The following COL26A1 variants were observed in gnomAD, a reference collection of about 807,000 sequenced individuals.
The protein encoded by COL26A1 is collagen type XXVI alpha 1 chain.
In COL26A1, 41 loss-of-function variants were observed where a neutral mutation model predicts 59.3. That is an observed-to-expected ratio of 0.69 (90% CI 0.54 to 0.90). The LOEUF is 0.90. Ranked by LOEUF, COL26A1 falls within the 40% of genes least tolerant of loss-of-function variation. The pLI is 0.00. For missense variants in COL26A1, 612 were observed against 602.3 expected, an observed-to-expected ratio of 1.02 and a Z score of -0.17; for synonymous variants, 266 against 256.0, an observed-to-expected ratio of 1.04 and a Z score of -0.37.
At chr7:101,476,869 A>G (rs1456451735) in intron 3 of COL26A1, among the ~76,000 whole-genome samples, 3 of 140,380 alleles carry the variant, frequency 2.1e-5, no homozygotes, top group African/African-American at 5.5e-5. Context: ...TTTGAGATGG[A>G]ATCTTGCTCT....
At chr7:101,372,986 G>GC (rs1329990034) in intron 1 of COL26A1, among the ~76,000 whole-genome samples, 1 of 152,160 alleles carries the variant, frequency 6.6e-6, no homozygotes, top group African/African-American at 2.4e-5. Context: ...CAGAGCAAGA[G>GC]CAGACCATGG....
intron 1 of COL26A1, among the ~76,000 whole-genome samples, chr7:101,409,712 G>A (rs997059032): frequency 6.6e-6 from 1 of 152,222 alleles, no homozygotes; most frequent in Non-Finnish European, 1.5e-5. Flanking sequence ...GCAACTGAGC[G>A]AGGAGGACAG....
intron 3 of COL26A1, among the ~76,000 whole-genome samples, chr7:101,509,644 G>T (rs1279866432): frequency 6.6e-6 from 1 of 152,098 alleles, no homozygotes; most frequent in East Asian, 1.9e-4. Context: ...CCCACCCCCA[G>T]AATGGTCTAG....
chr7:101,478,944 C>T (rs762104687), intron 3 of COL26A1, among the ~76,000 whole-genome samples: 9 of 152,204 alleles, frequency 5.9e-5, no homozygotes, highest in Non-Finnish European at 1.0e-4. Context: ...TCTTTTGCCT[C>T]TCATTGATTT....
intron 1 of COL26A1, among the ~76,000 whole-genome samples, chr7:101,377,303 C>A (rs920968524): frequency 6.6e-6 from 1 of 152,050 alleles, no homozygotes; most frequent in South Asian, 2.1e-4. Flanking sequence ...TCACTGTGCC[C>A]GGCTGAGGAT....
intron 3 of COL26A1, among the ~76,000 whole-genome samples, chr7:101,456,767 C>T (rs1414383542): frequency 2.6e-5 from 4 of 152,200 alleles, no homozygotes; most frequent in East Asian, 1.9e-4. Context: ...CCTCCTGCCT[C>T]GGCCTCCCGA....
intron 3 of COL26A1, among the ~76,000 whole-genome samples, chr7:101,531,120 G>A (rs950071272): frequency 6.6e-5 from 10 of 151,948 alleles, no homozygotes; most frequent in East Asian, 1.9e-4. Flanking sequence ...ACAGGCGCCC[G>A]CCACCATGCC....
At chr7:101,438,127 C>T (rs1306811684) in intron 2 of COL26A1, among the ~76,000 whole-genome samples, 3 of 151,388 alleles carry the variant, frequency 2.0e-5, no homozygotes, top group East Asian at 3.9e-4. Context: ...TCTGGGAAGC[C>T]GAGGCGGGCG....
In COL26A1 at chr7:101,541,221, T is replaced by C. The variant is rs60416469; in HGVS notation, c.604+1172T>C. ...GGGTTCAATTTTGCAGCATTCTGCC[T>C]GGCCAGGGAGCAGGAACTTACTGCT... is the stretch of plus-strand genomic sequence containing the variant. On this transcript the variant is annotated intron_variant, in intron 5 of 12. Transcript: ENST00000313669. 3.6e-3 allele frequency among the ~76,000 whole-genome samples: 546 copies of C among 152,346 alleles called. 3 individuals carry two copies. Among genetic ancestry groups the C allele is most frequent in the African/African-American group, 0.012 (512 of 41,584 alleles).
chr7:101,424,063 C>T (rs1792586562), intron 2 of COL26A1, among the ~76,000 whole-genome samples: 1 of 151,608 alleles, frequency 6.6e-6, no homozygotes, highest in Admixed American at 6.6e-5. Flanking sequence ...TAAAAAACAT[C>T]AGCCATGGGT....
At chr7:101,460,311 C>T (rs1793579403) in intron 3 of COL26A1, among the ~76,000 whole-genome samples, 1 of 152,126 alleles carries the variant, frequency 6.6e-6, no homozygotes, top group South Asian at 2.1e-4. Flanking sequence ...TTGTGAGATT[C>T]ACAGGAGGTA....
chr7:101,380,945 T>A (rs1447439749), intron 1 of COL26A1, among the ~76,000 whole-genome samples: 1 of 152,200 alleles, frequency 6.6e-6, no homozygotes, highest in Non-Finnish European at 1.5e-5. Context: ...CTGGTTTTCT[T>A]CTGTAGCTCT....
intron 3 of COL26A1, among the ~76,000 whole-genome samples, chr7:101,453,718 A>T (rs1584420667): frequency 1.3e-5 from 2 of 152,158 alleles, no homozygotes; most frequent in East Asian, 3.8e-4. Flanking sequence ...TGAGTTTGGG[A>T]TCGGCTCCTG....
At chr7:101,393,511 T>G (rs1791781386) in intron 1 of COL26A1, among the ~76,000 whole-genome samples, 1 of 152,194 alleles carries the variant, frequency 6.6e-6, no homozygotes, top group Admixed American at 6.5e-5. Context: ...CCACCCAGAT[T>G]GAGGGTGGGT....
intron 3 of COL26A1, among the ~76,000 whole-genome samples, chr7:101,469,168 T>C (rs533974408): frequency 1.1e-4 from 17 of 152,278 alleles, no homozygotes; most frequent in African/African-American, 4.1e-4. Flanking sequence ...TTATGGACTG[T>C]AAAGTGCTGT....
At chr7:101,431,474 G>A (rs1427376129) in intron 2 of COL26A1, among the ~76,000 whole-genome samples, 1 of 152,030 alleles carries the variant, frequency 6.6e-6, no homozygotes, top group Non-Finnish European at 1.5e-5. Flanking sequence ...TGCGTAGGCT[G>A]GTCTTGAACC....
intron 3 of COL26A1, among the ~76,000 whole-genome samples, chr7:101,462,425 T>A (rs1482506078): frequency 6.6e-6 from 1 of 152,160 alleles, no homozygotes; most frequent in East Asian, 1.9e-4. Flanking sequence ...CAAGCAATTC[T>A]CCTGCCTCAG....
chr7:101,539,995 G>A lies in COL26A1; in HGVS notation c.550G>A (p.Ala184Thr), dbSNP rs767263491. 18 of 1,613,230 alleles carry A rather than the reference G, an allele frequency of 1.1e-5. No individual in the cohort carries two copies. The highest frequency in any genetic ancestry group is 3.3e-5 in the South Asian group (3 of 91,020). Residue 184 changes from alanine to threonine, a missense_variant, in exon 5 of 13, where the codon GCC (alanine) becomes ACC (threonine). By Grantham distance (58) the Ala-to-Thr change is moderately conservative. Coordinates refer to ENST00000313669, the MANE Select transcript of COL26A1 (RefSeq NM_001278563.3). ...CTGGAATGAGGACTTCCTCCCCGAC[G>A]CCATCCCTCTTGCTCACCCTGTGCC... ...PTWNEDFLPD[A>T]IPLAHPVPRQ...
At position 101,504,169 on chromosome 7, in the gene COL26A1, C is replaced by T. The variant is rs751480639; in HGVS notation, c.386-28913C>T. Among the ~76,000 whole-genome samples, 4 of 152,124 alleles carry T rather than the reference C, an allele frequency of 2.6e-5. No homozygotes were observed. In the East Asian group the frequency reaches 5.8e-4, roughly 22 times the overall value. On this transcript the variant is annotated intron_variant, in intron 3 of 12. Coordinates refer to ENST00000313669, the MANE Select transcript of COL26A1 (RefSeq NM_001278563.3). The stretch of plus-strand genomic sequence containing the variant: ...AGGCTGGAGTGCAGTGGTGCAATCT[C>T]GGCTCACTGCAACCTCTGTCTCCTG...
Sources: gnomAD v4.1 joint callset for allele counts (sites outside exome capture counted in the v4.1 genomes callset) on GRCh38, gnomAD v4.1.1 for gene constraint, MANE v1.5 for transcripts, NCBI Gene and HGNC (gene_info 2026-07-23, HGNC 2026-07-21) for gene names.